Variants in STIMATE observed in about 807,000 individuals in gnomAD.
STIMATE encodes store-operated calcium entry regulator STIMATE.
STIMATE carries 15 observed loss-of-function variants against 36.7 expected under a neutral mutation model. The observed-to-expected ratio is 0.41, with a 90% CI of 0.27 to 0.63. The LOEUF is 0.63. Among genes scored for constraint, STIMATE ranks in the 20% least tolerant of loss-of-function variants. The pLI is 0.32. For missense variants in STIMATE, 305 were observed against 397.3 expected (o/e 0.77, Z 1.98); for synonymous variants, 163 against 162.3 (o/e 1.00, Z -0.03).
Position 52,842,907 on chromosome 3 carries a change from T to A in STIMATE, c.672A>T (p.Lys224Asn). ...TGGCTCCCCTTTCTTCTAGCTTAGC[T>A]TTCGTCTTCCCCTTTCTCATGAGGA... is the stretch of plus-strand genomic sequence containing the variant. ...DNFLMRKGKT[K>N]AKLEERGANQ... The change falls in exon 7 of 8, where the codon AAA becomes AAT. Residue 224 changes from lysine to asparagine, a missense_variant. Coordinates refer to ENST00000355083, the MANE Select transcript of STIMATE (RefSeq NM_198563.5). 1 of 1,614,236 alleles carries A rather than the reference T, an allele frequency of 6.2e-7. No homozygotes were observed. Among genetic ancestry groups the A allele is most frequent in the Non-Finnish European group, 8.5e-7 (1 of 1,180,058 alleles).
At chr3:52,859,482 C>T (rs1429564219) in intron 1 of STIMATE, among the ~76,000 whole-genome samples, 3 of 33,836 alleles carry the variant, frequency 8.9e-5, no homozygotes, top group Non-Finnish European at 1.5e-4. Context: ...GCCTGAGCAA[C>T]AAAGCAAGAC....
chr3:52,850,526 G>A lies in STIMATE; in HGVS notation c.306-613C>T, dbSNP rs541516706. ...CTGGAAGCAGCCAGGGAAATCAACA[G>A]GAAACAGAACTTAACTGATGACAGA... On this transcript the variant is annotated intron_variant, in intron 3 of 7. Transcript: ENST00000355083. Among the ~76,000 whole-genome samples the A allele has an allele frequency of 2.0e-5, 3 of 152,314 alleles. No individual in the cohort carries two copies. The South Asian group carries it at 6.2e-4, about 32-fold the overall frequency.
intron 1 of STIMATE, among the ~76,000 whole-genome samples, chr3:52,887,613 C>T (rs1415616189): frequency 6.6e-6 from 1 of 152,228 alleles, no homozygotes; most frequent in Non-Finnish European, 1.5e-5. Flanking sequence ...CAGCAGTTCA[C>T]AAATGCTTTG....
intron 1 of STIMATE, among the ~76,000 whole-genome samples, chr3:52,864,971 G>C (rs1219697290): frequency 1.3e-5 from 2 of 151,054 alleles, no homozygotes; most frequent in Non-Finnish European, 2.9e-5. Flanking sequence ...TTTTGAGATG[G>C]AGTCTTGCTC....
At chr3:52,888,189 G>T (rs1185389521) in intron 1 of STIMATE, among the ~76,000 whole-genome samples, 1 of 151,408 alleles carries the variant, frequency 6.6e-6, no homozygotes, top group Non-Finnish European at 1.5e-5. Flanking sequence ...TTGCTCCAGG[G>T]CTTGGACTGA....
chr3:52,886,324 G>A (rs1304987566), intron 1 of STIMATE, among the ~76,000 whole-genome samples: 1 of 152,190 alleles, frequency 6.6e-6, no homozygotes, highest in Non-Finnish European at 1.5e-5. Flanking sequence ...GGCAGGGGGT[G>A]CAAGGCCCCA....
chr3:52,842,698 C>T lies in STIMATE; in HGVS notation c.768+113G>A. Reference sequence around the variant, plus strand: ...CTCAGCCTCTTCTCCTGCCCTCTGGCTCGCACTGTGACTCTGCACTCAAGG... The same window carrying T: ...CTCAGCCTCTTCTCCTGCCCTCTGGTTCGCACTGTGACTCTGCACTCAAGG... On this transcript the variant is annotated intron_variant, in intron 7 of 7. Coordinates refer to ENST00000355083, the MANE Select transcript of STIMATE (RefSeq NM_198563.5). 4 of 1,554,728 alleles carry T rather than the reference C, an allele frequency of 2.6e-6. No individual in the cohort carries two copies. In the South Asian group the frequency reaches 3.7e-5, roughly 14 times the overall value.
At chr3:52,841,311 G>A (rs1700794055) in intron 7 of STIMATE, among the ~76,000 whole-genome samples, 1 of 152,258 alleles carries the variant, frequency 6.6e-6, no homozygotes, top group African/African-American at 2.4e-5. Context: ...AGACTGAAAA[G>A]CCCCTTTCAA....
At chr3:52,853,354 G>A (rs1339447251) in intron 2 of STIMATE, among the ~76,000 whole-genome samples, 1 of 152,190 alleles carries the variant, frequency 6.6e-6, no homozygotes, top group Non-Finnish European at 1.5e-5. Flanking sequence ...AAAAACAAGG[G>A]TGTTAATCTC....
chr3:52,878,546 T>A (rs960150118), intron 1 of STIMATE, among the ~76,000 whole-genome samples: 1 of 152,240 alleles, frequency 6.6e-6, no homozygotes, highest in African/African-American at 2.4e-5. Flanking sequence ...ATGTATTAGT[T>A]TTGTTTCCTT....
At chr3:52,852,421 A>T (rs371668438) in intron 3 of STIMATE, among the ~76,000 whole-genome samples, 182 bp downstream of exon 3, 2 of 152,346 alleles carry the variant, frequency 1.3e-5, no homozygotes, top group East Asian at 1.9e-4. Context: ...AAGCCAACTG[A>T]TAGCTGTGTA....
intron 6 of STIMATE, chr3:52,843,183 C>T (rs1700833265): frequency 1.1e-6 from 1 of 880,430 alleles, no homozygotes. Flanking sequence ...GGAACGTGCC[C>T]TGACGGGTTT....
intron 1 of STIMATE, among the ~76,000 whole-genome samples, chr3:52,880,839 C>A (rs929224896): frequency 1.3e-5 from 2 of 152,178 alleles, no homozygotes; most frequent in Admixed American, 1.3e-4. Context: ...TGAAATTCAT[C>A]TTTGTTCACC....
intron 1 of STIMATE, among the ~76,000 whole-genome samples, chr3:52,897,015 G>A (rs1008248193): frequency 8.5e-5 from 13 of 152,142 alleles, no homozygotes; most frequent in Non-Finnish European, 1.9e-4. Context: ...GTAACAATTC[G>A]AGATGGTAAG....
chr3:52,852,986 G>A (rs976102043), intron 2 of STIMATE, among the ~76,000 whole-genome samples: 6 of 152,102 alleles, frequency 3.9e-5, no homozygotes, highest in African/African-American at 1.4e-4. Context: ...GCTTTGTGAT[G>A]AAGCCCAAGG....
chr3:52,873,091 T>C (rs28497260), intron 1 of STIMATE, among the ~76,000 whole-genome samples: 1 of 152,162 alleles, frequency 6.6e-6, no homozygotes, highest in South Asian at 2.1e-4. Context: ...GAGAAATAAA[T>C]AACAAAAACA....
In STIMATE at chr3:52,873,537, A is replaced by C. The variant is rs192176699; in HGVS notation, c.161-18093T>G. Reference sequence around the variant, plus strand: ...AACCACCCAGGTTAAAGAAGTCATTAAACTGGTACCAAGGGTAGCCTCAGT... The same window carrying C: ...AACCACCCAGGTTAAAGAAGTCATTCAACTGGTACCAAGGGTAGCCTCAGT... On this transcript the variant is annotated intron_variant, in intron 1 of 7. Transcript: ENST00000355083. Among the ~76,000 whole-genome samples, 156 of 152,348 alleles carry C rather than the reference A, an allele frequency of 1.0e-3. 1 individual carries two copies. Among genetic ancestry groups the C allele is most frequent in the African/African-American group, 3.7e-3 (153 of 41,572 alleles).
At chr3:52,861,265 G>A (rs1041341960) in intron 1 of STIMATE, among the ~76,000 whole-genome samples, 1 of 152,218 alleles carries the variant, frequency 6.6e-6, no homozygotes, top group African/African-American at 2.4e-5. Flanking sequence ...GGGGAGAAGG[G>A]GAAGGTGGAG....
intron 6 of STIMATE, 115 bp downstream of exon 6, chr3:52,843,606 G>T: frequency 1.4e-6 from 2 of 1,474,338 alleles, no homozygotes; most frequent in Non-Finnish European, 1.8e-6. Flanking sequence ...GTGGCAAATG[G>T]TCACGCAAAA....
Sources: gnomAD v4.1 joint callset for allele counts (sites outside exome capture counted in the v4.1 genomes callset) on GRCh38, gnomAD v4.1.1 for gene constraint, MANE v1.5 for transcripts, NCBI Gene and HGNC (gene_info 2026-07-23, HGNC 2026-07-21) for gene names.